The following GRID2 variants were observed in gnomAD, a reference collection of about 807,000 sequenced individuals.
The protein encoded by GRID2 is glutamate receptor ionotropic, delta-2.
In GRID2, 33 loss-of-function variants were observed where a neutral mutation model predicts 114.8. That is an observed-to-expected ratio of 0.29 (90% CI 0.22 to 0.38). The LOEUF (loss-of-function observed/expected upper bound fraction) is 0.38. Among genes scored for constraint, GRID2 ranks in the 10% least tolerant of loss-of-function variants. GRID2 has a pLI of 1.00. For missense variants in GRID2, 1,184 were observed against 1,257.7 expected (o/e 0.94, Z 0.89); for synonymous variants, 505 against 449.9 (o/e 1.12, Z -1.55).
intron 10 of GRID2, 132 bp downstream of exon 10, chr4:93,423,100 A>AT: frequency 1.6e-6 from 1 of 643,516 alleles, no homozygotes; most frequent in Non-Finnish European, 2.7e-6. Flanking sequence ...TTGGTTAAGC[A>AT]TTAGGTGGTG....
At chr4:93,200,382 C>A (rs536733847) in intron 4 of GRID2, among the ~76,000 whole-genome samples, 1 of 151,938 alleles carries the variant, frequency 6.6e-6, no homozygotes, top group South Asian at 2.1e-4. Flanking sequence ...CTGGCTAACA[C>A]GGTGAAACCC....
At chr4:92,840,881 G>A (rs1742840363) in intron 2 of GRID2, among the ~76,000 whole-genome samples, 1 of 151,748 alleles carries the variant, frequency 6.6e-6, no homozygotes, top group African/African-American at 2.4e-5. Context: ...TGTTTCTCTT[G>A]GTACTCTGTT....
chr4:93,548,814 G>C lies in GRID2; in HGVS notation c.2193+33403G>C, dbSNP rs188132399. ...CTGCTAATATTCCTTTAGACAGATG[G>C]AGTAGAACTAATGTACTGGAACATG... is the stretch of plus-strand genomic sequence containing the variant. On this transcript the variant is annotated intron_variant, in intron 13 of 15. Transcript: ENST00000282020. Among the ~76,000 whole-genome samples, 7 of 152,224 alleles carry C rather than the reference G, an allele frequency of 4.6e-5. No homozygotes were observed. The East Asian group carries it at 1.4e-3, about 29-fold the overall frequency.
intron 8 of GRID2, among the ~76,000 whole-genome samples, chr4:93,330,063 T>C (rs1427626383): frequency 6.6e-6 from 1 of 152,256 alleles, no homozygotes; most frequent in Non-Finnish European, 1.5e-5. Flanking sequence ...CATATAAACA[T>C]TTATTACAGG....
chr4:93,106,234 A>G (rs1732217004), intron 3 of GRID2, among the ~76,000 whole-genome samples: 2 of 152,244 alleles, frequency 1.3e-5, no homozygotes, highest in African/African-American at 4.8e-5. Flanking sequence ...TTGGAAACAC[A>G]GATAACTCAT....
intron 2 of GRID2, among the ~76,000 whole-genome samples, chr4:92,715,140 C>G (rs1351002345): frequency 2.0e-5 from 3 of 152,160 alleles, no homozygotes; most frequent in Non-Finnish European, 4.4e-5. Flanking sequence ...CCACCAGATA[C>G]CCTAAATCAT....
At chr4:92,428,598 GT>G (rs1732276439) in intron 1 of GRID2, among the ~76,000 whole-genome samples, 3 of 152,118 alleles carry the variant, frequency 2.0e-5, no homozygotes, top group South Asian at 4.1e-4. Context: ...TTTGCTTTGA[GT>G]ATTAAGTTAT....
chr4:92,327,369 T>G (rs2110137127), intron 1 of GRID2, among the ~76,000 whole-genome samples: 1 of 125,788 alleles, frequency 7.9e-6, no homozygotes, highest in Non-Finnish European at 1.8e-5. Context: ...CTAGATTTTG[T>G]GTGTGTGTGT....
intron 5 of GRID2, among the ~76,000 whole-genome samples, chr4:93,215,113 C>A (rs1744040421): frequency 6.6e-6 from 1 of 151,880 alleles, no homozygotes; most frequent in African/African-American, 2.4e-5. Context: ...ATAGTAGATA[C>A]TTATTAAATG....
chr4:93,314,787 A>G (rs561798203), intron 8 of GRID2, among the ~76,000 whole-genome samples: 215 of 152,182 alleles, frequency 1.4e-3, no homozygotes, highest in African/African-American at 4.9e-3. Context: ...ATATATTGTG[A>G]TATGATTACC....
At chr4:92,366,395 T>C (rs1728867750) in intron 1 of GRID2, among the ~76,000 whole-genome samples, 1 of 152,008 alleles carries the variant, frequency 6.6e-6, no homozygotes, top group Non-Finnish European at 1.5e-5. Flanking sequence ...TATTTTGTGC[T>C]CTTCAAAAAT....
At chr4:92,726,518 C>A (rs951106140) in intron 2 of GRID2, among the ~76,000 whole-genome samples, 3 of 152,040 alleles carry the variant, frequency 2.0e-5, no homozygotes, top group East Asian at 3.9e-4. Flanking sequence ...CTTAAAAATT[C>A]TTTTGTTATG....
intron 13 of GRID2, among the ~76,000 whole-genome samples, chr4:93,592,231 C>T (rs1209860361): frequency 6.6e-6 from 1 of 151,948 alleles, no homozygotes; most frequent in Non-Finnish European, 1.5e-5. Flanking sequence ...GCTTTGAATG[C>T]ATCCCAGAGA....
intron 1 of GRID2, among the ~76,000 whole-genome samples, chr4:92,470,989 A>T (rs1722003898): frequency 6.8e-6 from 1 of 146,346 alleles, no homozygotes; most frequent in East Asian, 2.0e-4. Context: ...AACTTTAAGT[A>T]GGTTGTGTAG....
chr4:92,836,718 T>A (rs1742484795), intron 2 of GRID2, among the ~76,000 whole-genome samples: 1 of 151,948 alleles, frequency 6.6e-6, no homozygotes, highest in Admixed American at 6.6e-5. Context: ...GTAAACAGAA[T>A]TAAAGACACA....
At chr4:92,657,120 G>GAT (rs921785795) in intron 2 of GRID2, among the ~76,000 whole-genome samples, 5 of 151,456 alleles carry the variant, frequency 3.3e-5, no homozygotes, top group African/African-American at 1.2e-4. Flanking sequence ...TTTTAATTAA[G>GAT]ATATATATTT....
chr4:92,444,337 T>C (rs35755858), intron 1 of GRID2, among the ~76,000 whole-genome samples: 2 of 151,578 alleles, frequency 1.3e-5, no homozygotes, highest in East Asian at 1.9e-4. Flanking sequence ...GGCCGTTTTA[T>C]AGGATTTGGG....
chr4:93,488,236 A>G (rs1200299266), intron 11 of GRID2, among the ~76,000 whole-genome samples: 2 of 151,970 alleles, frequency 1.3e-5, no homozygotes, highest in African/African-American at 2.4e-5. Flanking sequence ...TATGGATGTA[A>G]AAATAAATAT....
At chr4:93,593,188 G>A (rs1240505315) in intron 13 of GRID2, among the ~76,000 whole-genome samples, 1 of 148,746 alleles carries the variant, frequency 6.7e-6, no homozygotes, top group African/African-American at 2.5e-5. Flanking sequence ...TGCAGCAGCT[G>A]GTACCGGTTG....
Sources: gnomAD v4.1 joint callset for allele counts (sites outside exome capture counted in the v4.1 genomes callset) on GRCh38, gnomAD v4.1.1 for gene constraint, MANE v1.5 for transcripts, NCBI Gene and HGNC (gene_info 2026-07-23, HGNC 2026-07-21) for gene names.